SCD5: variants seen among roughly 807,000 people sequenced by gnomAD.
SCD5 encodes acyl-CoA-desaturase 4.
In SCD5, 20 loss-of-function variants were observed where a neutral mutation model predicts 30.4. That is an observed-to-expected ratio of 0.66 (90% CI 0.46 to 0.96). The LOEUF is 0.96. Among genes scored for constraint, SCD5 ranks in the 40% least tolerant of loss-of-function variants. The pLI is 0.00. For missense variants in SCD5, 381 were observed against 443.3 expected, an observed-to-expected ratio of 0.86 and a Z score of 1.26; for synonymous variants, 173 against 176.4, an observed-to-expected ratio of 0.98 and a Z score of 0.16.
At chr4:82,798,165 G>GC (rs1338920730) in intron 1 of SCD5, 141 bp downstream of exon 1, 103 of 939,932 alleles carry the variant, frequency 1.1e-4, no homozygotes, top group Middle Eastern at 4.8e-4. Context: ...TGCCAAGGGG[G>GC]CCGCGGCGCG....
intron 2 of SCD5, among the ~76,000 whole-genome samples, chr4:82,692,773 A>G (rs1464227866): frequency 6.6e-6 from 1 of 152,180 alleles, no homozygotes; most frequent in East Asian, 1.9e-4. Flanking sequence ...GTGTTCATAA[A>G]CACACCAGAA....
At chr4:82,714,291 T>C (rs1720174883) in intron 1 of SCD5, among the ~76,000 whole-genome samples, 1 of 152,220 alleles carries the variant, frequency 6.6e-6, no homozygotes, top group Non-Finnish European at 1.5e-5. Context: ...CAGTTCTCTT[T>C]CCATTCTCTC....
At chr4:82,759,175 G>A (rs1721294456) in intron 1 of SCD5, among the ~76,000 whole-genome samples, 1 of 152,188 alleles carries the variant, frequency 6.6e-6, no homozygotes, top group Admixed American at 6.5e-5. Context: ...CAAGCATGTG[G>A]CCTCCATGAC....
chr4:82,671,152 T>C (rs1411756356), intron 3 of SCD5, among the ~76,000 whole-genome samples: 3 of 152,102 alleles, frequency 2.0e-5, no homozygotes, highest in African/African-American at 4.8e-5. Context: ...TAGAGAGACA[T>C]TACGTAACGA....
intron 1 of SCD5, among the ~76,000 whole-genome samples, chr4:82,759,981 T>C (rs1418574888): frequency 3.9e-5 from 6 of 152,134 alleles, no homozygotes; most frequent in Non-Finnish European, 7.4e-5. Context: ...CTTCCCAGCA[T>C]CTATGGTGCC....
At chr4:82,755,479 G>C (rs184743742) in intron 1 of SCD5, among the ~76,000 whole-genome samples, 1 of 152,112 alleles carries the variant, frequency 6.6e-6, no homozygotes. Flanking sequence ...CAGCCTGGGC[G>C]ACAGAGCAAG....
At chr4:82,652,681 A>G (rs1253306739) in intron 3 of SCD5, among the ~76,000 whole-genome samples, 2 of 152,236 alleles carry the variant, frequency 1.3e-5, no homozygotes, top group Admixed American at 6.5e-5. Context: ...ATAAAAAATA[A>G]CAACTAGAAG....
At chr4:82,689,970 T>C (rs1449857364) in intron 2 of SCD5, among the ~76,000 whole-genome samples, 1 of 152,120 alleles carries the variant, frequency 6.6e-6, no homozygotes, top group East Asian at 1.9e-4. Context: ...TACAACTTAA[T>C]TGGCCAGTAC....
At chr4:82,755,539 G>A (rs2148844167) in intron 1 of SCD5, among the ~76,000 whole-genome samples, 1 of 147,194 alleles carries the variant, frequency 6.8e-6, no homozygotes, top group South Asian at 2.2e-4. Flanking sequence ...GTGTAGATGT[G>A]GGGAGAGGGA....
chr4:82,790,320 T>G (rs559093986), intron 1 of SCD5, among the ~76,000 whole-genome samples: 4 of 152,306 alleles, frequency 2.6e-5, no homozygotes, highest in African/African-American at 9.6e-5. Context: ...ACAAACCAGA[T>G]GAGGTCTGCT....
intron 3 of SCD5, among the ~76,000 whole-genome samples, chr4:82,666,239 G>C (rs1728183987): frequency 6.6e-6 from 1 of 152,264 alleles, no homozygotes; most frequent in East Asian, 1.9e-4. Context: ...AATAATAATA[G>C]ATTGAATTCT....
At chr4:82,724,440 G>A (rs891231284) in intron 1 of SCD5, among the ~76,000 whole-genome samples, 5 of 152,206 alleles carry the variant, frequency 3.3e-5, no homozygotes, top group African/African-American at 9.6e-5. Flanking sequence ...AACATGGTGA[G>A]ACCCCCATCT....
intron 1 of SCD5, among the ~76,000 whole-genome samples, chr4:82,790,067 GAGGC>G (rs1317316854): frequency 6.6e-6 from 1 of 152,108 alleles, no homozygotes; most frequent in African/African-American, 2.4e-5. Context: ...CATGCAGCCT[GAGGC>G]AGGCACTCAG....
chr4:82,702,199 C>T (rs1719864401), intron 2 of SCD5, among the ~76,000 whole-genome samples: 1 of 119,216 alleles, frequency 8.4e-6, no homozygotes, highest in Non-Finnish European at 1.6e-5. Context: ...GGCTGGAGTG[C>T]AGTGGTGTGA....
intron 4 of SCD5, 141 bp downstream of exon 4, chr4:82,636,450 C>CG (rs1553913616): frequency 3.1e-5 from 17 of 545,380 alleles, no homozygotes; most frequent in South Asian, 1.1e-4. Flanking sequence ...GACTCTATCT[C>CG]GGAAAAAAAA....
intron 2 of SCD5, among the ~76,000 whole-genome samples, chr4:82,694,210 C>T (rs188026848): frequency 6.6e-6 from 1 of 152,298 alleles, no homozygotes; most frequent in East Asian, 1.9e-4. Flanking sequence ...ATCCCCACTC[C>T]CCACCTTTTC....
At chr4:82,703,018 T>C (rs1719887038) in intron 2 of SCD5, among the ~76,000 whole-genome samples, 2 of 152,322 alleles carry the variant, frequency 1.3e-5, no homozygotes, top group South Asian at 2.1e-4. Context: ...CCCAGGTCCA[T>C]GAAACACTGA....
rs1014755109 is a variant in SCD5 at position 82,782,095 on chromosome 4, G to C, written c.232+16211C>G. Among the ~76,000 whole-genome samples, 10 of 150,486 alleles carry C rather than the reference G, an allele frequency of 6.6e-5. No homozygotes were observed. The South Asian group carries it at 1.7e-3, about 26-fold the overall frequency. On this transcript the variant is annotated intron_variant, in intron 1 of 4. Coordinates refer to ENST00000319540, the MANE Select transcript of SCD5 (RefSeq NM_001037582.3). ...CTTACAAAGGACCCTCCTATCTTGG[G>C]TCACAGAGAAGACTAAATCTAGGAT...
intron 3 of SCD5, among the ~76,000 whole-genome samples, chr4:82,674,736 G>A (rs1728399537): frequency 6.6e-6 from 1 of 152,154 alleles, no homozygotes; most frequent in Admixed American, 6.6e-5. Flanking sequence ...TCCACTGGGT[G>A]AATGGATAAA....
Sources: gnomAD v4.1 joint callset for allele counts (sites outside exome capture counted in the v4.1 genomes callset) on GRCh38, gnomAD v4.1.1 for gene constraint, MANE v1.5 for transcripts, NCBI Gene and HGNC (gene_info 2026-07-23, HGNC 2026-07-21) for gene names.